Variants in PKP2 observed in about 807,000 individuals in gnomAD.
The protein encoded by PKP2 is plakophilin-2.
Under a neutral mutation model 83.4 loss-of-function variants are expected in PKP2, and 73 were observed. The ratio of observed to expected loss-of-function variants is 0.88; its 90% CI spans 0.72 to 1.06. The LOEUF is 1.06. Ranked by LOEUF, PKP2 falls within the 50% of genes least tolerant of loss-of-function variation. PKP2 has a pLI of 0.00. For missense variants in PKP2, 966 were observed against 1,065.4 expected, an observed-to-expected ratio of 0.91 and a Z score of 1.30; for synonymous variants, 409 against 430.4, an observed-to-expected ratio of 0.95 and a Z score of 0.62.
chr12:32,826,598 T>A (rs1956444518), intron 6 of PKP2, among the ~76,000 whole-genome samples: 1 of 152,138 alleles, frequency 6.6e-6, no homozygotes, highest in Non-Finnish European at 1.5e-5. Flanking sequence ...TCCTTATTAA[T>A]TTTTACTGTA....
At chr12:32,800,929 G>T (rs1308919021) in intron 10 of PKP2, among the ~76,000 whole-genome samples, 1 of 152,194 alleles carries the variant, frequency 6.6e-6, no homozygotes, top group East Asian at 1.9e-4. Context: ...TTTATTGCAG[G>T]TGAGAACAGG....
At chr12:32,837,075 A>G (rs754758902) in intron 6 of PKP2, among the ~76,000 whole-genome samples, 3 of 152,218 alleles carry the variant, frequency 2.0e-5, no homozygotes, top group Non-Finnish European at 2.9e-5. Flanking sequence ...AGAGTTCTAC[A>G]TGCACAGAAC....
Position 32,825,015 on chromosome 12 carries a change from A to C in PKP2, c.1557-853T>G, listed in dbSNP as rs186922370. 2.0e-4 allele frequency among the ~76,000 whole-genome samples: 30 copies of C among 152,312 alleles called. 1 individual carries two copies. The East Asian group carries it at 5.8e-3, about 29-fold the overall frequency. On this transcript the variant is annotated intron_variant, in intron 6 of 12. Coordinates refer to ENST00000340811, the MANE Select transcript of PKP2 (RefSeq NM_001005242.3). ...TCTTACTAGCATTAACTACTTAAAA[A>C]AATATTTTTTTTTCCAAAAATGTCA...
intron 11 of PKP2, 94 bp from the exon 12 acceptor site, chr12:32,792,825 C>G: frequency 2.1e-6 from 2 of 951,626 alleles, no homozygotes; most frequent in South Asian, 2.6e-5. Context: ...CGCTCCTCAA[C>G]TGCTACTCCG....
chr12:32,794,085 G>A (rs1029143462), intron 11 of PKP2, among the ~76,000 whole-genome samples: 2 of 152,066 alleles, frequency 1.3e-5, no homozygotes, highest in Non-Finnish European at 2.9e-5. Context: ...AAAGATGTAC[G>A]GAGAAGAGCA....
rs764733489 is a variant in PKP2, at chr12:32,792,464, T to G, written c.2474A>C (p.Asn825Thr). 1 of 1,614,022 alleles carries G rather than the reference T, an allele frequency of 6.2e-7. No homozygotes were observed. Among genetic ancestry groups the G allele is most frequent in the Admixed American group, 1.7e-5 (1 of 60,022 alleles). The change falls in exon 13 of 13, where the codon AAC becomes ACC. Residue 825 changes from asparagine to threonine, a missense_variant. Asn to Thr is a moderately conservative substitution (Grantham distance 65, BLOSUM62 0). Coordinates refer to ENST00000340811, the MANE Select transcript of PKP2 (RefSeq NM_001005242.3). ...KAQFKKTDFV[N>T]SRTAKAYHSL... ...GTGGTAGGCTTTGGCAGTCCGGCTGTTGACAAAATCTGTCTTCTTAAACTG... is the reference window on the plus strand; with the variant it reads ...GTGGTAGGCTTTGGCAGTCCGGCTGGTGACAAAATCTGTCTTCTTAAACTG...
intron 9 of PKP2, among the ~76,000 whole-genome samples, chr12:32,816,395 T>C (rs1956319701): frequency 1.3e-5 from 2 of 152,172 alleles, no homozygotes; most frequent in Non-Finnish European, 1.5e-5. Context: ...GATGCATCCA[T>C]GTTGCTGCAA....
chr12:32,816,046 G>A (rs1165634574), intron 9 of PKP2, among the ~76,000 whole-genome samples: 1 of 152,068 alleles, frequency 6.6e-6, no homozygotes, highest in Non-Finnish European at 1.5e-5. Flanking sequence ...TCATTAATGA[G>A]GTTGAAAAAT....
chr12:32,882,526 G>A (rs1212498279), intron 1 of PKP2, among the ~76,000 whole-genome samples: 5 of 152,126 alleles, frequency 3.3e-5, no homozygotes, highest in Non-Finnish European at 7.3e-5. Flanking sequence ...CTTTGGACAG[G>A]ACCCAGTGAA....
At chr12:32,819,308 C>A (rs61927772) in intron 9 of PKP2, among the ~76,000 whole-genome samples, 30,790 of 69,306 alleles carry the variant, frequency 0.44, 4,449 homozygotes, top group African/African-American at 0.53. Flanking sequence ...CAATACAATA[C>A]AATACAATAA....
chr12:32,843,324 G>C (rs371719724), intron 5 of PKP2: 1 of 1,365,062 alleles, frequency 7.3e-7, no homozygotes, highest in African/African-American at 1.5e-5. Flanking sequence ...CTGTACAAAG[G>C]AAAGAGGAAG....
At chr12:32,827,937 T>C (rs1592740561) in intron 6 of PKP2, among the ~76,000 whole-genome samples, 1 of 152,210 alleles carries the variant, frequency 6.6e-6, no homozygotes, top group East Asian at 1.9e-4. Context: ...TACTGTTATA[T>C]ACTGAAATTT....
intron 11 of PKP2, among the ~76,000 whole-genome samples, chr12:32,794,420 T>C (rs771308630): frequency 1.3e-5 from 2 of 152,190 alleles, no homozygotes; most frequent in Non-Finnish European, 2.9e-5. Context: ...TATATAACAC[T>C]CTAGTAAGGA....
chr12:32,802,588 T>A (rs754598715), intron 9 of PKP2, 32 bp from the exon 10 acceptor site: 3 of 1,595,860 alleles, frequency 1.9e-6, no homozygotes, highest in Non-Finnish European at 1.7e-6. Context: ...ATAAGTGCTA[T>A]TGTATTTGAT....
At chr12:32,892,315 CTTT>C (rs375237005) in intron 1 of PKP2, among the ~76,000 whole-genome samples, 2 of 137,422 alleles carry the variant, frequency 1.5e-5, no homozygotes, top group African/African-American at 2.7e-5. Flanking sequence ...CCAGAATTCA[CTTT>C]TTTTTTTTTT....
intron 5 of PKP2, among the ~76,000 whole-genome samples, chr12:32,847,658 CTT>C (rs897957535): frequency 9.2e-5 from 14 of 152,218 alleles, no homozygotes; most frequent in African/African-American, 3.4e-4. Flanking sequence ...CTTTCTGCCT[CTT>C]TGCCTTGCTA....
intron 9 of PKP2, among the ~76,000 whole-genome samples, chr12:32,811,561 T>C (rs1251476408): frequency 2.0e-5 from 3 of 152,248 alleles, no homozygotes; most frequent in East Asian, 1.9e-4. Context: ...TAATTTTCAG[T>C]TCATCATTGG....
At chr12:32,828,959 A>G (rs1592741006) in intron 6 of PKP2, among the ~76,000 whole-genome samples, 1 of 151,820 alleles carries the variant, frequency 6.6e-6, no homozygotes, top group East Asian at 1.9e-4. Context: ...TTTTTTTGAG[A>G]TAGTCTCACT....
intron 9 of PKP2, among the ~76,000 whole-genome samples, chr12:32,808,288 G>A (rs958024266): frequency 6.6e-6 from 1 of 152,090 alleles, no homozygotes; most frequent in African/African-American, 2.4e-5. Context: ...TTCAAGGTCT[G>A]AGATCCTTTC....
Sources: allele counts gnomAD v4.1 joint callset (sites outside exome capture counted in the v4.1 genomes callset), GRCh38; gene constraint gnomAD v4.1.1; transcripts MANE v1.5; gene names NCBI Gene and HGNC (gene_info 2026-07-23, HGNC 2026-07-21).